Variants in CA10 observed in about 807,000 individuals in gnomAD.
CA10 encodes the protein carbonic anhydrase-related protein 10.
Under a neutral mutation model 44.2 loss-of-function variants are expected in CA10, and 14 were observed. The observed-to-expected ratio is 0.32, with a 90% CI of 0.21 to 0.50. The LOEUF is 0.50. Ranked by LOEUF, CA10 falls within the 20% of genes least tolerant of loss-of-function variation. CA10 has a pLI of 0.99. For synonymous variants in CA10, 159 were observed against 141.6 expected, an observed-to-expected ratio of 1.12 and a Z score of -0.87; for missense variants, 350 against 409.7, an observed-to-expected ratio of 0.85 and a Z score of 1.26.
At chr17:51,929,071 C>G (rs1020458953) in intron 3 of CA10, among the ~76,000 whole-genome samples, 3 of 152,070 alleles carry the variant, frequency 2.0e-5, no homozygotes, top group African/African-American at 7.2e-5. Context: ...ATCAGGTATA[C>G]TTTCCTGAAT....
chr17:52,027,192 T>A (rs1986328768), intron 2 of CA10, among the ~76,000 whole-genome samples: 1 of 152,014 alleles, frequency 6.6e-6, no homozygotes, highest in Admixed American at 6.6e-5. Context: ...GGGTTTGACC[T>A]CCTGTGAGAA....
chr17:51,944,572 A>G (rs1486820054), intron 2 of CA10, among the ~76,000 whole-genome samples: 1 of 152,202 alleles, frequency 6.6e-6, no homozygotes, highest in Non-Finnish European at 1.5e-5. Flanking sequence ...GGTTTAGTAA[A>G]TTAGGTATAC....
At chr17:51,845,417 G>A (rs1017258706) in intron 3 of CA10, among the ~76,000 whole-genome samples, 4 of 152,192 alleles carry the variant, frequency 2.6e-5, no homozygotes, top group Admixed American at 2.6e-4. Flanking sequence ...CCATGGCCAT[G>A]TGAGTGAGCC....
chr17:51,679,912 C>A (rs1914783172), intron 4 of CA10, among the ~76,000 whole-genome samples: 1 of 152,150 alleles, frequency 6.6e-6, no homozygotes, highest in Admixed American at 6.5e-5. Flanking sequence ...GGCTGTTTCA[C>A]GACAACTGAA....
intron 2 of CA10, among the ~76,000 whole-genome samples, chr17:52,063,896 A>C (rs2143104140): frequency 6.6e-6 from 1 of 152,342 alleles, no homozygotes; most frequent in South Asian, 2.1e-4. Flanking sequence ...AGTATGAGTG[A>C]GATTTCTGAG....
intron 2 of CA10, among the ~76,000 whole-genome samples, chr17:52,029,076 G>A (rs1038504345): frequency 6.6e-6 from 1 of 152,090 alleles, no homozygotes; most frequent in African/African-American, 2.4e-5. Context: ...GTCAAGGTCT[G>A]TTTTTCACTA....
At chr17:51,645,967 C>T (rs1262729425) in intron 6 of CA10, among the ~76,000 whole-genome samples, 1 of 152,120 alleles carries the variant, frequency 6.6e-6, no homozygotes, top group Non-Finnish European at 1.5e-5. Context: ...TTCCCTCTAC[C>T]ATGAGAACTA....
intron 4 of CA10, among the ~76,000 whole-genome samples, chr17:51,733,805 G>A (rs1295465515): frequency 1.3e-5 from 2 of 152,202 alleles, no homozygotes; most frequent in Non-Finnish European, 1.5e-5. Flanking sequence ...CTAAGTAGAT[G>A]ATGCTGATAA....
chr17:52,118,412 A>G (rs1277393762), intron 1 of CA10, among the ~76,000 whole-genome samples: 3 of 152,182 alleles, frequency 2.0e-5, no homozygotes, highest in Non-Finnish European at 2.9e-5. Context: ...GGCAAAATAA[A>G]TAACTTATGG....
At chr17:52,151,695 G>GTGA (rs903016921) in intron 1 of CA10, among the ~76,000 whole-genome samples, 2 of 152,106 alleles carry the variant, frequency 1.3e-5, no homozygotes, top group African/African-American at 4.8e-5. Context: ...ATTGATGTCA[G>GTGA]TGATGATGAT....
intron 3 of CA10, among the ~76,000 whole-genome samples, chr17:51,818,761 C>T (rs1037340252): frequency 6.6e-6 from 1 of 152,200 alleles, no homozygotes; most frequent in Non-Finnish European, 1.5e-5. Flanking sequence ...ACTGACAAAC[C>T]ATGGGATATT....
At chr17:51,777,536 T>C (rs1905870121) in intron 3 of CA10, among the ~76,000 whole-genome samples, 1 of 152,172 alleles carries the variant, frequency 6.6e-6, no homozygotes, top group Non-Finnish European at 1.5e-5. Context: ...ATCCCCTGTG[T>C]ATACTGAGGG....
At chr17:52,037,801 C>T (rs1980141206) in intron 2 of CA10, among the ~76,000 whole-genome samples, 2 of 152,082 alleles carry the variant, frequency 1.3e-5, no homozygotes, top group Non-Finnish European at 2.9e-5. Flanking sequence ...TCATCCTGCT[C>T]CCTCAGTGAA....
chr17:51,965,936 A>G (rs1984062163), intron 2 of CA10, among the ~76,000 whole-genome samples: 1 of 151,852 alleles, frequency 6.6e-6, no homozygotes, highest in Non-Finnish European at 1.5e-5. Flanking sequence ...CTTTGTCCAC[A>G]CTGCTGATAA....
intron 1 of CA10, among the ~76,000 whole-genome samples, chr17:52,085,485 C>T (rs1318545382): frequency 6.6e-6 from 1 of 152,192 alleles, no homozygotes; most frequent in African/African-American, 2.4e-5. Context: ...CATTGACCAT[C>T]TTTCAAGTCT....
chr17:51,741,666 G>A (rs1450241368), intron 4 of CA10, among the ~76,000 whole-genome samples: 1 of 152,192 alleles, frequency 6.6e-6, no homozygotes, highest in African/African-American at 2.4e-5. Flanking sequence ...CTGACTGTAT[G>A]TCAGGCACTG....
At chr17:52,068,709 A>C (rs971268030) in intron 2 of CA10, among the ~76,000 whole-genome samples, 1 of 152,102 alleles carries the variant, frequency 6.6e-6, no homozygotes, top group African/African-American at 2.4e-5. Flanking sequence ...GGTGAATTCA[A>C]CCCTTAAGTG....
chr17:51,719,202 A>G (rs562709498), intron 4 of CA10, among the ~76,000 whole-genome samples: 1 of 152,340 alleles, frequency 6.6e-6, no homozygotes, highest in African/African-American at 2.4e-5. Context: ...GAACCCCCAC[A>G]TAAATGATGC....
At chr17:51,659,216 A>G (rs1052242286) in intron 4 of CA10, among the ~76,000 whole-genome samples, 2 of 152,110 alleles carry the variant, frequency 1.3e-5, no homozygotes, top group African/African-American at 2.4e-5. Context: ...AAGGTGGAGG[A>G]TTCTCTCTTC....
Sources: allele counts gnomAD v4.1 joint callset (sites outside exome capture counted in the v4.1 genomes callset), GRCh38; gene constraint gnomAD v4.1.1; transcripts MANE v1.5; gene names NCBI Gene and HGNC (gene_info 2026-07-23, HGNC 2026-07-21).